Variants in CDIN1 observed in about 807,000 individuals in gnomAD.
CDIN1 encodes the protein CDAN1 interacting nuclease 1.
In CDIN1, 33 loss-of-function variants were observed where a neutral mutation model predicts 45.3. The observed-to-expected ratio is 0.73, with a 90% CI of 0.55 to 0.97. CDIN1 has a LOEUF of 0.97. CDIN1 is among the 50% of genes least tolerant of loss of function. The probability of loss-of-function intolerance (pLI) is 0.00; values close to 1 mark genes in which losing one functional copy is unlikely to be tolerated. For synonymous variants in CDIN1, 118 were observed against 124.4 expected, an observed-to-expected ratio of 0.95 and a Z score of 0.34; for missense variants, 303 against 339.4, an observed-to-expected ratio of 0.89 and a Z score of 0.84.
chr15:36,787,915 TGTGATATTATTCATACTTTAA>T (rs1393976593), intron 10 of CDIN1, among the ~76,000 whole-genome samples: 1 of 150,536 alleles, frequency 6.6e-6, no homozygotes, highest in African/African-American at 2.4e-5. Context: ...ATATATTTAA[TGTGATATTATTCATACTTTAA>T]ATGATGTTAT....
chr15:36,792,700 A>C (rs185627583), intron 10 of CDIN1, among the ~76,000 whole-genome samples: 1 of 152,296 alleles, frequency 6.6e-6, no homozygotes, highest in Non-Finnish European at 1.5e-5. Flanking sequence ...GTCCAGCACA[A>C]AGTAAATATT....
intron 8 of CDIN1, chr15:36,708,551 A>G (rs1424482032): frequency 6.6e-6 from 1 of 151,050 alleles, no homozygotes; most frequent in East Asian, 1.9e-4. Context: ...TTTCCTTCCT[A>G]ATAGATCATT....
At chr15:36,658,753 T>C (rs1219719940) in intron 5 of CDIN1, among the ~76,000 whole-genome samples, 1 of 152,242 alleles carries the variant, frequency 6.6e-6, no homozygotes, top group East Asian at 1.9e-4. Context: ...TAATACCTGC[T>C]AAAACATCAT....
chr15:36,701,110 A>G (rs200778434), intron 8 of CDIN1, among the ~76,000 whole-genome samples: 2 of 84,488 alleles, frequency 2.4e-5, no homozygotes, highest in East Asian at 4.9e-4. Flanking sequence ...AGATAGATAG[A>G]TAGATAGGTA....
Position 36,598,374 on chromosome 15 carries a change from AAGGTTTT to A in CDIN1, c.101+18414_101+18420del, listed in dbSNP as rs1164037298. Among the ~76,000 whole-genome samples, 4 of 151,516 alleles carry A rather than the reference AAGGTTTT, an allele frequency of 2.6e-5. No individual in the cohort carries two copies. In the South Asian group the frequency reaches 8.3e-4, roughly 31 times the overall value. On this transcript the variant is annotated intron_variant, in intron 1 of 10. Coordinates refer to ENST00000566621, the MANE Select transcript of CDIN1 (RefSeq NM_001321759.2). ...AAACAAAATAGTCCATTGGAAACAA[AAGGTTTT>A]TTGCTTAGTATTCTTTCCTAAGGCA...
intron 10 of CDIN1, among the ~76,000 whole-genome samples, chr15:36,729,345 A>G (rs754954144): frequency 2.2e-4 from 33 of 152,172 alleles, no homozygotes; most frequent in Non-Finnish European, 4.0e-4. Context: ...AAATTCTTAG[A>G]TATCTATTTA....
intron 8 of CDIN1, among the ~76,000 whole-genome samples, chr15:36,703,335 A>G (rs1399020686): frequency 3.5e-5 from 4 of 112,886 alleles, no homozygotes; most frequent in East Asian, 2.7e-4. Context: ...TATCAGATAG[A>G]TCTATCAGAT....
At chr15:36,740,484 G>A (rs1222218372) in intron 10 of CDIN1, among the ~76,000 whole-genome samples, 1 of 152,280 alleles carries the variant, frequency 6.6e-6, no homozygotes, top group African/African-American at 2.4e-5. Context: ...ACCGAGAGAT[G>A]GTAGCACTTC....
intron 1 of CDIN1, among the ~76,000 whole-genome samples, chr15:36,586,282 T>A (rs1169843687): frequency 6.6e-6 from 1 of 151,976 alleles, no homozygotes; most frequent in Non-Finnish European, 1.5e-5. Context: ...ACTTTGAGAC[T>A]ATGCAAATTT....
chr15:36,629,725 C>T lies in CDIN1; in HGVS notation c.102-14553C>T, dbSNP rs1250841468. Among the ~76,000 whole-genome samples the T allele has an allele frequency of 2.0e-5, 3 of 152,276 alleles. No individual in the cohort carries two copies. In the East Asian group the frequency reaches 5.8e-4, roughly 29 times the overall value. On this transcript the variant is annotated intron_variant, in intron 1 of 10. Transcript: ENST00000566621. ...TGCATCAGGCTACCATGATTAAAAT[C>T]TTGAAAGCCAAACAAATTATTGAAT... is the stretch of plus-strand genomic sequence containing the variant.
At chr15:36,604,418 T>TACACACACACACACAC (rs144533313) in intron 1 of CDIN1, among the ~76,000 whole-genome samples, 10,119 of 128,586 alleles carry the variant, frequency 0.079, 556 homozygotes, top group Middle Eastern at 0.12. Context: ...TTTTAAAAGG[T>TACACACACACACACAC]ACACACACAC....
chr15:36,639,495 AG>A (rs1338599170), intron 1 of CDIN1, among the ~76,000 whole-genome samples: 1 of 152,102 alleles, frequency 6.6e-6, no homozygotes, highest in Non-Finnish European at 1.5e-5. Flanking sequence ...AGGCTGAGAC[AG>A]GACAATAGCT....
chr15:36,597,885 A>G (rs1021235522), intron 1 of CDIN1, among the ~76,000 whole-genome samples: 4 of 152,074 alleles, frequency 2.6e-5, no homozygotes, highest in Non-Finnish European at 4.4e-5. Context: ...AAACATATGG[A>G]GCTTCTTTGG....
intron 5 of CDIN1, among the ~76,000 whole-genome samples, chr15:36,690,308 G>A (rs979339970): frequency 6.7e-6 from 1 of 149,282 alleles, no homozygotes; most frequent in African/African-American, 2.5e-5. Flanking sequence ...TCGCTCCGTT[G>A]CCCAGGCTGG....
intron 1 of CDIN1, among the ~76,000 whole-genome samples, chr15:36,643,704 G>T (rs911958388): frequency 6.6e-6 from 1 of 152,170 alleles, no homozygotes; most frequent in East Asian, 1.9e-4. Flanking sequence ...CTTTAGGAAT[G>T]ATTCACTCCA....
chr15:36,677,400 A>T (rs370644414), intron 5 of CDIN1, among the ~76,000 whole-genome samples: 24 of 152,300 alleles, frequency 1.6e-4, no homozygotes, highest in East Asian at 1.2e-3. Flanking sequence ...AATAAGGGCC[A>T]CATAAATCCA....
intron 5 of CDIN1, among the ~76,000 whole-genome samples, chr15:36,665,381 A>G (rs993217025): frequency 2.6e-5 from 4 of 152,210 alleles, no homozygotes; most frequent in Admixed American, 6.5e-5. Context: ...GGTTTCTTGA[A>G]ATTCAAAAAT....
intron 1 of CDIN1, among the ~76,000 whole-genome samples, chr15:36,624,677 C>G (rs2140324209): frequency 1.3e-5 from 2 of 152,166 alleles, no homozygotes; most frequent in South Asian, 4.1e-4. Flanking sequence ...TTGTTAAATT[C>G]TTAAAAGTAT....
intron 6 of CDIN1, 75 bp from the exon 7 acceptor site, chr15:36,692,051 G>A (rs1221197540): frequency 1.4e-6 from 2 of 1,422,926 alleles, no homozygotes; most frequent in African/African-American, 1.4e-5. Context: ...AGTAATTACT[G>A]CTTTTAGGAT....
Sources: allele counts gnomAD v4.1 joint callset (sites outside exome capture counted in the v4.1 genomes callset), GRCh38; gene constraint gnomAD v4.1.1; transcripts MANE v1.5; gene names NCBI Gene and HGNC (gene_info 2026-07-23, HGNC 2026-07-21).